Variants in BABAM2 observed in about 807,000 individuals in gnomAD.
BABAM2 encodes BRISC and BRCA1 A complex member 2, also known as BRISC and BRCA1-A complex member 2.
A neutral mutation model predicts 54.7 loss-of-function variants in BABAM2; 31 were observed. The observed-to-expected ratio is 0.57, with a 90% confidence interval of 0.43 to 0.77. BABAM2 has a LOEUF of 0.77. BABAM2 is among the 30% of genes least tolerant of loss of function. The pLI, the probability that BABAM2 is intolerant of heterozygous loss-of-function variation, is 0.00. For synonymous variants in BABAM2, 167 were observed against 162.9 expected, an observed-to-expected ratio of 1.03 and a Z score of -0.19; for missense variants, 364 against 455.8, an observed-to-expected ratio of 0.80 and a Z score of 1.83.
At chr2:27,948,130 T>C (rs536961585) in intron 3 of BABAM2, among the ~76,000 whole-genome samples, 9 of 152,264 alleles carry the variant, frequency 5.9e-5, no homozygotes, top group African/African-American at 2.2e-4. Context: ...TTTAGTTTTC[T>C]ATGTTATTAG....
rs1558667299 is a variant in BABAM2 at position 28,026,870 on chromosome 2, A to ATT, written c.495+1451_495+1452insTT. 2.7e-3 allele frequency among the ~76,000 whole-genome samples: 200 copies of ATT among 75,466 alleles called. 5 individuals carry two copies. Among genetic ancestry groups the ATT allele is most frequent in the African/African-American group, 5.1e-3 (85 of 16,754 alleles). The allele number at this position is 75,466 out of a possible 152,430, so 49.5% of individuals were successfully genotyped here. ...TATATATTTATATATATAGATATAT[A>ATT]TATTTATATATATATAGATATATAT... is the stretch of plus-strand genomic sequence containing the variant. On this transcript the variant is annotated intron_variant, in intron 5 of 11. Transcript: ENST00000379624.
chr2:27,907,197 T>C (rs1463358218), intron 2 of BABAM2, among the ~76,000 whole-genome samples: 1 of 152,206 alleles, frequency 6.6e-6, no homozygotes, highest in Non-Finnish European at 1.5e-5. Context: ...AATGGCATGT[T>C]ATGAAAGTTA....
chr2:28,293,566 T>C (rs1419701448), intron 10 of BABAM2, among the ~76,000 whole-genome samples: 2 of 152,226 alleles, frequency 1.3e-5, no homozygotes, highest in African/African-American at 2.4e-5. Flanking sequence ...CTGCAGTGAC[T>C]GTCCAGAGTG....
chr2:28,184,955 T>C (rs1022574605), intron 7 of BABAM2, among the ~76,000 whole-genome samples: 1 of 152,240 alleles, frequency 6.6e-6, no homozygotes, highest in Non-Finnish European at 1.5e-5. Flanking sequence ...AATTTTTTTC[T>C]TGGTTCATAA....
chr2:28,289,283 AT>A lies in BABAM2; in HGVS notation c.935-9049del, dbSNP rs1171832428. On this transcript the variant is annotated intron_variant, in intron 10 of 11. Coordinates refer to ENST00000379624, the MANE Select transcript of BABAM2 (RefSeq NM_199191.3). ...ATATATCCATAAAAATATATCATTT[AT>A]TTTTTCTATTTTTGAACTTAATATA... is the stretch of plus-strand genomic sequence containing the variant. 7.2e-5 allele frequency among the ~76,000 whole-genome samples: 11 copies of A among 151,946 alleles called. No individual in the cohort carries two copies. The South Asian group carries it at 1.7e-3, about 23-fold the overall frequency.
At chr2:28,327,519 G>T in intron 11 of BABAM2, 1 of 1,454,564 alleles carries the variant, frequency 6.9e-7, no homozygotes, top group Non-Finnish European at 9.2e-7. Flanking sequence ...GTCTAGAAAT[G>T]GATCTCAGTC....
At chr2:28,248,811 G>A (rs1031226081) in intron 10 of BABAM2, among the ~76,000 whole-genome samples, 1 of 152,106 alleles carries the variant, frequency 6.6e-6, no homozygotes, top group Non-Finnish European at 1.5e-5. Flanking sequence ...TTTCTCCCTG[G>A]TAAAATTCCT....
chr2:28,290,521 G>C lies in BABAM2; in HGVS notation c.935-7817G>C, dbSNP rs548665902. ...AATGGGCATGAAGTGGAAGTTCATT[G>C]AGGTTTTAATTTGCATGTGCTTTAT... is the stretch of plus-strand genomic sequence containing the variant. On this transcript the variant is annotated intron_variant, in intron 10 of 11. Coordinates refer to ENST00000379624, the MANE Select transcript of BABAM2 (RefSeq NM_199191.3). Among the ~76,000 whole-genome samples, 7 of 152,310 alleles carry C rather than the reference G, an allele frequency of 4.6e-5. No individual in the cohort carries two copies. In the South Asian group the frequency reaches 1.5e-3, roughly 32 times the overall value.
At chr2:28,163,980 G>C (rs758886017) in intron 7 of BABAM2, among the ~76,000 whole-genome samples, 1 of 152,178 alleles carries the variant, frequency 6.6e-6, no homozygotes, top group Admixed American at 6.5e-5. Context: ...AACTGAAGAT[G>C]AATTTTCTCA....
intron 3 of BABAM2, among the ~76,000 whole-genome samples, chr2:27,967,047 A>G (rs1670886593): frequency 6.6e-6 from 1 of 152,178 alleles, no homozygotes. Flanking sequence ...GATATCAAAA[A>G]TTTCATTTCT....
intron 3 of BABAM2, among the ~76,000 whole-genome samples, chr2:27,985,144 T>C (rs1672314528): frequency 6.6e-6 from 1 of 151,272 alleles, no homozygotes; most frequent in Non-Finnish European, 1.5e-5. Flanking sequence ...GCATTTGGGC[T>C]GGTTCCATAG....
At chr2:28,120,545 A>C (rs995047929) in intron 6 of BABAM2, among the ~76,000 whole-genome samples, 11 of 152,176 alleles carry the variant, frequency 7.2e-5, no homozygotes, top group African/African-American at 2.7e-4. Context: ...TTCATCTGCA[A>C]GTGAGAATAA....
At chr2:28,074,161 G>A (rs764416745) in intron 6 of BABAM2, among the ~76,000 whole-genome samples, 2 of 152,220 alleles carry the variant, frequency 1.3e-5, no homozygotes, top group East Asian at 1.9e-4. Flanking sequence ...GGGCCATTAG[G>A]AATTGGGGTA....
upstream of BABAM2, among the ~76,000 whole-genome samples, chr2:27,888,930 A>G (rs1664624975): frequency 2.0e-5 from 3 of 152,242 alleles, no homozygotes; most frequent in South Asian, 4.1e-4. Flanking sequence ...AACTAGATTC[A>G]ATTTTATGCT....
At chr2:28,007,758 TTA>T (rs1674078710) in intron 4 of BABAM2, among the ~76,000 whole-genome samples, 1 of 152,172 alleles carries the variant, frequency 6.6e-6, no homozygotes, top group African/African-American at 2.4e-5. Context: ...TGGAAAGAAA[TTA>T]TGTCTTAGAA....
chr2:28,279,998 A>C (rs1686220013), intron 10 of BABAM2, among the ~76,000 whole-genome samples: 1 of 151,624 alleles, frequency 6.6e-6, no homozygotes, highest in African/African-American at 2.4e-5. Context: ...AAAAACTCAC[A>C]TACCTTTTCT....
At chr2:27,994,400 C>G (rs965667364) in intron 4 of BABAM2, among the ~76,000 whole-genome samples, 4 of 152,086 alleles carry the variant, frequency 2.6e-5, no homozygotes, top group African/African-American at 9.7e-5. Context: ...GGTAAACACA[C>G]CTGTGTAAGT....
chr2:28,053,111 G>A (rs763735073), intron 6 of BABAM2, among the ~76,000 whole-genome samples: 2 of 152,074 alleles, frequency 1.3e-5, no homozygotes, highest in Non-Finnish European at 2.9e-5. Flanking sequence ...TTCTTTTTCA[G>A]CACATGTAAG....
intron 3 of BABAM2, among the ~76,000 whole-genome samples, chr2:27,971,669 G>C (rs1671232059): frequency 6.6e-6 from 1 of 151,218 alleles, no homozygotes; most frequent in Admixed American, 6.6e-5. Context: ...TAAAAATCAA[G>C]CTTACTTGCT....
Sources: gnomAD v4.1 joint callset for allele counts (sites outside exome capture counted in the v4.1 genomes callset) on GRCh38, gnomAD v4.1.1 for gene constraint, MANE v1.5 for transcripts, NCBI Gene and HGNC (gene_info 2026-07-23, HGNC 2026-07-21) for gene names.